The following GALNT12 variants were observed in gnomAD, a reference collection of about 807,000 sequenced individuals.
GALNT12 encodes polypeptide N-acetylgalactosaminyltransferase 12.
Under a neutral mutation model 55.5 loss-of-function variants are expected in GALNT12, and 45 were observed. That is an observed-to-expected ratio of 0.81 (90% confidence interval 0.64 to 1.04). The LOEUF is 1.04. GALNT12 is among the 50% of genes least tolerant of loss of function. The pLI is 0.00. For synonymous variants in GALNT12, 304 were observed against 312.2 expected, an observed-to-expected ratio of 0.97 and a Z score of 0.28; for missense variants, 709 against 754.8, an observed-to-expected ratio of 0.94 and a Z score of 0.71.
At chr9:98,812,738 C>G (rs1330857126) in intron 1 of GALNT12, among the ~76,000 whole-genome samples, 2 of 152,124 alleles carry the variant, frequency 1.3e-5, no homozygotes, top group African/African-American at 4.8e-5. Flanking sequence ...TGTTTTCCCC[C>G]TCTTTTTTCC....
intron 4 of GALNT12, among the ~76,000 whole-genome samples, chr9:98,834,983 C>T (rs1293890970): frequency 6.6e-6 from 1 of 152,132 alleles, no homozygotes; most frequent in Non-Finnish European, 1.5e-5. Flanking sequence ...TCAGTGTTCT[C>T]CCAGGGCCCT....
In GALNT12 at chr9:98,826,913, G is replaced by A. The variant is rs1256927785; in HGVS notation, c.703G>A (p.Glu235Lys). Residue 235 changes from glutamate (E) to lysine (K), a missense_variant, in exon 3 of 10, where the codon GAA becomes AAA. Coordinates refer to ENST00000375011, the MANE Select transcript of GALNT12 (RefSeq NM_024642.5). ...TFLDCHCECH[E>K]GWLEPLLQRI... is the part of the protein sequence containing the mutation. ...CCTGGACTGTCACTGTGAGTGCCAC[G>A]AAGGGTGGCTGGAGCCGCTGCTGCA... The A allele has an allele frequency of 8.3e-6, 13 of 1,573,260 alleles. No homozygotes were observed. The highest frequency in any genetic ancestry group is 1.0e-5 in the Non-Finnish European group (12 of 1,159,446).
chr9:98,842,939 C>T (rs1419722488), intron 7 of GALNT12, among the ~76,000 whole-genome samples: 1 of 152,070 alleles, frequency 6.6e-6, no homozygotes, highest in African/African-American at 2.4e-5. Flanking sequence ...GCCTTGAAAT[C>T]TGGTGTGAAT....
intron 8 of GALNT12, among the ~76,000 whole-genome samples, chr9:98,845,220 C>G (rs1836384743): frequency 6.6e-6 from 1 of 152,130 alleles, no homozygotes; most frequent in South Asian, 2.1e-4. Flanking sequence ...ATCCCAGACT[C>G]TTGTTTTAAG....
At chr9:98,832,069 C>A (rs1291478788) in intron 4 of GALNT12, 112 bp downstream of exon 4, 3 of 867,106 alleles carry the variant, frequency 3.5e-6, no homozygotes, top group Non-Finnish European at 5.7e-6. Flanking sequence ...TTAACTACCT[C>A]CCCTCTTCCC....
At chr9:98,827,674 A>G (rs1175919193) in intron 3 of GALNT12, among the ~76,000 whole-genome samples, 1 of 152,236 alleles carries the variant, frequency 6.6e-6, no homozygotes, top group Non-Finnish European at 1.5e-5. Flanking sequence ...AGGAACCCAG[A>G]TAAATGTTAT....
chr9:98,828,764 C>T (rs1835920332), intron 3 of GALNT12, among the ~76,000 whole-genome samples: 1 of 152,162 alleles, frequency 6.6e-6, no homozygotes, highest in African/African-American at 2.4e-5. Context: ...ATAATCACAT[C>T]AGAGGAAATG....
At chr9:98,816,034 G>C (rs1057353862) in intron 1 of GALNT12, among the ~76,000 whole-genome samples, 24 of 152,154 alleles carry the variant, frequency 1.6e-4, no homozygotes, top group Non-Finnish European at 4.4e-5. Context: ...TAAAGTACAA[G>C]GCGTGCTGAA....
chr9:98,825,615 G>C (rs1835839639), intron 2 of GALNT12, among the ~76,000 whole-genome samples: 2 of 152,208 alleles, frequency 1.3e-5, no homozygotes, highest in Admixed American at 6.5e-5. Context: ...TAGCTAATTA[G>C]CTTTGCTTGC....
At chr9:98,817,020 G>T (rs2118313636) in intron 1 of GALNT12, among the ~76,000 whole-genome samples, 1 of 152,086 alleles carries the variant, frequency 6.6e-6, no homozygotes, top group African/African-American at 2.4e-5. Flanking sequence ...TAGAGACGGG[G>T]TTTCACCTTG....
chr9:98,828,476 TACAC>T (rs1835913911), intron 3 of GALNT12, among the ~76,000 whole-genome samples: 1 of 152,170 alleles, frequency 6.6e-6, no homozygotes, highest in Non-Finnish European at 1.5e-5. Context: ...TGGCCACCTC[TACAC>T]AGGTCTGAAA....
At chr9:98,831,232 A>G (rs1407971891) in intron 3 of GALNT12, among the ~76,000 whole-genome samples, 1 of 152,224 alleles carries the variant, frequency 6.6e-6, no homozygotes, top group Non-Finnish European at 1.5e-5. Flanking sequence ...TCTTAAAAAC[A>G]TTTTCCCAGG....
At chr9:98,844,398 CA>C in intron 8 of GALNT12, 189 bp downstream of exon 8, 1 of 602,776 alleles carries the variant, frequency 1.7e-6, no homozygotes. Flanking sequence ...ACATAACACA[CA>C]GAGATTATGT....
intron 1 of GALNT12, among the ~76,000 whole-genome samples, chr9:98,810,887 T>C (rs923875810): frequency 6.6e-6 from 1 of 152,124 alleles, no homozygotes; most frequent in African/African-American, 2.4e-5. Flanking sequence ...AGTATTAATA[T>C]ATATTAATAT....
chr9:98,841,600 C>T (rs1326103911), intron 7 of GALNT12, among the ~76,000 whole-genome samples: 2 of 152,140 alleles, frequency 1.3e-5, no homozygotes, highest in Non-Finnish European at 2.9e-5. Context: ...TAAAGAAGAA[C>T]ACTCCCTCAT....
Position 98,808,350 on chromosome 9 carries a change from T to C in GALNT12, c.371+281T>C, listed in dbSNP as rs1224500832. 3.3e-5 allele frequency among the ~76,000 whole-genome samples: 5 copies of C among 152,106 alleles called. No individual in the cohort carries two copies. In the East Asian group the frequency reaches 7.8e-4, roughly 24 times the overall value. On this transcript the variant is annotated intron_variant, in intron 1 of 9. Coordinates refer to ENST00000375011, the MANE Select transcript of GALNT12 (RefSeq NM_024642.5). ...TATCATCTCCCTGAAAAGGTGAGGGTCAGGGCTAAGCAGAAGGGTTTAAGG... is the reference window on the plus strand; with the variant it reads ...TATCATCTCCCTGAAAAGGTGAGGGCCAGGGCTAAGCAGAAGGGTTTAAGG...
intron 9 of GALNT12, among the ~76,000 whole-genome samples, chr9:98,848,575 A>C (rs1309858488): frequency 6.6e-6 from 1 of 152,254 alleles, no homozygotes; most frequent in Non-Finnish European, 1.5e-5. Flanking sequence ...CACTCTGTTT[A>C]AATACCTAAG....
chr9:98,823,298 A>T lies in GALNT12; in HGVS notation c.414A>T (p.Thr138=). Residue 138 remains threonine (T), a synonymous_variant, in exon 2 of 10, where the codon ACA becomes ACT. Transcript: ENST00000375011. ...KKYDYDNLPR[T]SVIIAFYNEA... ...ATGATTATGATAATTTGCCCAGGAC[A>T]TCTGTTATCATAGCATTTTATAATG... is the stretch of plus-strand genomic sequence containing the variant. 6.2e-7 allele frequency: 1 copy of T among 1,614,104 alleles called. No individual in the cohort carries two copies. The highest frequency in any genetic ancestry group is 8.5e-7 in the Non-Finnish European group (1 of 1,179,928).
intron 3 of GALNT12, among the ~76,000 whole-genome samples, chr9:98,829,148 T>A (rs1464072110): frequency 6.8e-6 from 1 of 147,264 alleles, no homozygotes; most frequent in Non-Finnish European, 1.5e-5. Flanking sequence ...TCTTAGTAAT[T>A]TTTTTTATCT....
Sources: gnomAD v4.1 joint callset for allele counts (sites outside exome capture counted in the v4.1 genomes callset) on GRCh38, gnomAD v4.1.1 for gene constraint, MANE v1.5 for transcripts, NCBI Gene and HGNC (gene_info 2026-07-23, HGNC 2026-07-21) for gene names.